DIP2C: variants seen among roughly 807,000 people sequenced by gnomAD.
The protein encoded by DIP2C is disco-interacting protein 2 homolog C.
In DIP2C, 33 loss-of-function variants were observed where a neutral mutation model predicts 192.4. The ratio of observed to expected loss-of-function variants is 0.17; its 90% CI spans 0.13 to 0.23. The LOEUF (loss-of-function observed/expected upper bound fraction) is 0.23, where lower values mean the gene tolerates loss of function less well. DIP2C is among the 10% of genes least tolerant of loss of function. DIP2C has a pLI of 1.00. For synonymous variants in DIP2C, 979 were observed against 864.1 expected (o/e 1.13, Z -2.33); for missense variants, 1,537 against 2,110.1 (o/e 0.73, Z 5.32).
intron 13 of DIP2C, among the ~76,000 whole-genome samples, chr10:389,460 A>C (rs1963278900): frequency 6.6e-6 from 1 of 152,156 alleles, no homozygotes; most frequent in East Asian, 1.9e-4. Context: ...CATCACGAGC[A>C]CCAATGCAGA....
intron 1 of DIP2C, among the ~76,000 whole-genome samples, chr10:648,048 G>T (rs10737001): frequency 7.7e-5 from 10 of 130,148 alleles, no homozygotes; most frequent in Admixed American, 7.4e-5. Context: ...GAGAACAGAG[G>T]GAAACTGAGT....
At chr10:586,174 G>C (rs1312263273) in intron 1 of DIP2C, among the ~76,000 whole-genome samples, 1 of 152,114 alleles carries the variant, frequency 6.6e-6, no homozygotes, top group Non-Finnish European at 1.5e-5. Context: ...ACTTCTCTGG[G>C]AGAGAGAATT....
At chr10:281,088 A>AC (rs1465127935) in intron 36 of DIP2C, 112 bp downstream of exon 36, 4 of 1,444,240 alleles carry the variant, frequency 2.8e-6, no homozygotes, top group Admixed American at 4.0e-5. Context: ...GTTGAATCGC[A>AC]CCCCCTTCCC....
intron 31 of DIP2C, among the ~76,000 whole-genome samples, chr10:319,948 A>C (rs1005504817): frequency 3.3e-5 from 5 of 152,208 alleles, no homozygotes; most frequent in African/African-American, 1.2e-4. Context: ...CCAATGGTCC[A>C]ATGCAATGAC....
intron 1 of DIP2C, among the ~76,000 whole-genome samples, chr10:519,591 C>T (rs114097995): frequency 0.014 from 2,094 of 152,304 alleles, 61 homozygotes; most frequent in African/African-American, 0.048. Context: ...GGAAGAGGGC[C>T]GTTTCAGATG....
At chr10:600,514 G>C (rs1016750733) in intron 1 of DIP2C, among the ~76,000 whole-genome samples, 1 of 152,018 alleles carries the variant, frequency 6.6e-6, no homozygotes, top group Non-Finnish European at 1.5e-5. Context: ...ATGCTCCGGA[G>C]CGACCCCACA....
chr10:689,407 C>G lies in DIP2C; in HGVS notation c.85+87G>C. The G allele has an allele frequency of 1.2e-6, 1 of 821,778 alleles. No individual in the cohort carries two copies. The highest frequency in any genetic ancestry group is 1.5e-6 in the Non-Finnish European group (1 of 676,840). 50.9% of individuals were successfully genotyped at this position (821,778 alleles called of 1,614,324 possible). On this transcript the variant is annotated intron_variant, in intron 1 of 36. Coordinates refer to ENST00000280886, the MANE Select transcript of DIP2C (RefSeq NM_014974.3). This position sits in a 1 kb window ranked among gnomAD's most constrained non-coding sequence, Gnocchi z 6.1. ...CTCCCCCTCCGGGCCCGGCCCCCGC[C>G]CCGCCGCAGGCCCCGCGCCCCCAGC...
intron 1 of DIP2C, among the ~76,000 whole-genome samples, chr10:615,431 C>T (rs116868735): frequency 0.01 from 1,566 of 152,220 alleles, 13 homozygotes; most frequent in Non-Finnish European, 0.014. Flanking sequence ...TCCTCAGGGA[C>T]GCTAAATTTG....
intron 2 of DIP2C, among the ~76,000 whole-genome samples, chr10:473,634 C>A (rs747410516): frequency 6.6e-6 from 1 of 152,106 alleles, no homozygotes; most frequent in South Asian, 2.1e-4. Context: ...GCTCCGTGAA[C>A]GGCTCTGATA....
chr10:373,391 G>A (rs555066271), intron 17 of DIP2C, among the ~76,000 whole-genome samples: 3 of 152,282 alleles, frequency 2.0e-5, no homozygotes, highest in African/African-American at 7.2e-5. Flanking sequence ...ATGCAGTTAA[G>A]TATAAAATAT....
Position 387,729 on chromosome 10 carries a change from G to A in DIP2C, c.1662+16C>T, listed in dbSNP as rs766581837. 51 of 1,613,898 alleles carry A rather than the reference G, an allele frequency of 3.2e-5. No homozygotes were observed. Among genetic ancestry groups the A allele is most frequent in the Non-Finnish European group, 4.0e-5 (47 of 1,179,956 alleles). On this transcript the variant is annotated intron_variant, in intron 14 of 36. Coordinates refer to ENST00000280886, the MANE Select transcript of DIP2C (RefSeq NM_014974.3). ...ACTCCTTTGTGGACAGACACGGCCG[G>A]GGGGACCTCACTTACTGTCAGGATG...
chr10:356,887 A>C (rs1959107052), intron 23 of DIP2C, among the ~76,000 whole-genome samples: 1 of 152,240 alleles, frequency 6.6e-6, no homozygotes. Context: ...CTTCCAGAAG[A>C]TGCAAAGCGG....
chr10:582,640 C>T (rs1850740783), intron 1 of DIP2C, among the ~76,000 whole-genome samples: 1 of 152,144 alleles, frequency 6.6e-6, no homozygotes, highest in African/African-American at 2.4e-5. Context: ...GTGGAGGAAA[C>T]ACCGCAGAAG....
At chr10:580,636 C>G (rs1028424891) in intron 1 of DIP2C, among the ~76,000 whole-genome samples, 3 of 152,238 alleles carry the variant, frequency 2.0e-5, no homozygotes, top group South Asian at 4.2e-4. Context: ...TACGCATACA[C>G]CACATACAAG....
chr10:441,117 T>C (rs1056405829), intron 3 of DIP2C, 121 bp from the exon 4 acceptor site: 1 of 1,181,560 alleles, frequency 8.5e-7, no homozygotes, highest in African/African-American at 1.6e-5. Flanking sequence ...AACAGATGGG[T>C]GGGCGAGGAA....
At chr10:512,713 A>C (rs1846094167) in intron 1 of DIP2C, among the ~76,000 whole-genome samples, 1 of 152,208 alleles carries the variant, frequency 6.6e-6, no homozygotes, top group Admixed American at 6.5e-5. Flanking sequence ...CAGGAGTTTG[A>C]GACCAGCCTG....
chr10:421,064 T>A (rs1329369816), intron 5 of DIP2C, among the ~76,000 whole-genome samples: 1 of 152,262 alleles, frequency 6.6e-6, no homozygotes, highest in African/African-American at 2.4e-5. Flanking sequence ...TTTCCTTTTC[T>A]GATTAAGTTT....
intron 1 of DIP2C, among the ~76,000 whole-genome samples, chr10:597,346 G>A (rs998399651): frequency 1.3e-5 from 2 of 152,036 alleles, no homozygotes; most frequent in Admixed American, 6.5e-5. Context: ...GCCTCCCCCT[G>A]GACACACACA....
At chr10:469,071 G>A (rs543121039) in intron 3 of DIP2C, among the ~76,000 whole-genome samples, 49 of 152,224 alleles carry the variant, frequency 3.2e-4, no homozygotes, top group Admixed American at 2.7e-3. Flanking sequence ...ATCTGTGCAG[G>A]TGCATAACTA....
Sources: gnomAD v4.1 joint callset for allele counts (sites outside exome capture counted in the v4.1 genomes callset) on GRCh38, gnomAD v4.1.1 for gene constraint, Gnocchi (gnomAD v3.1) non-coding constraint, MANE v1.5 for transcripts, NCBI Gene and HGNC (gene_info 2026-07-23, HGNC 2026-07-21) for gene names.